RPS6KA2: variants seen among roughly 807,000 people sequenced by gnomAD.
RPS6KA2 encodes the protein ribosomal protein S6 kinase alpha-2.
In RPS6KA2, 42 loss-of-function variants were observed where a neutral mutation model predicts 91.8. The ratio of observed to expected loss-of-function variants is 0.46; its 90% CI spans 0.36 to 0.59. RPS6KA2 has a LOEUF of 0.59. Among genes scored for constraint, RPS6KA2 ranks in the 20% least tolerant of loss-of-function variants. The pLI is 0.00. For missense variants in RPS6KA2, 798 were observed against 978.5 expected (o/e 0.82, Z 2.46); for synonymous variants, 414 against 393.6 (o/e 1.05, Z -0.61).
At chr6:166,524,101 T>C (rs1782947303) in intron 3 of RPS6KA2, among the ~76,000 whole-genome samples, 1 of 152,192 alleles carries the variant, frequency 6.6e-6, no homozygotes, top group Admixed American at 6.5e-5. Context: ...ACCACACAGC[T>C]GCCAAAAACA....
Position 166,641,599 on chromosome 6 carries a change from T to C in RPS6KA2, c.124-102815A>G, listed in dbSNP as rs1787434150. Among the ~76,000 whole-genome samples, 3 of 150,886 alleles carry C rather than the reference T, an allele frequency of 2.0e-5. No individual in the cohort carries two copies. In the South Asian group the frequency reaches 6.3e-4, roughly 32 times the overall value. On this transcript the variant is annotated intron_variant, in intron 2 of 21. Coordinates refer to the RPS6KA2 transcript ENST00000503859. ...ATCAGCCAGTGTAGTGGTGCATGCCTGTAATCCCAGCTACACGGACTGAGG... is the reference window on the plus strand; with the variant it reads ...ATCAGCCAGTGTAGTGGTGCATGCCCGTAATCCCAGCTACACGGACTGAGG...
chr6:166,659,526 C>T (rs79192745), intron 2 of RPS6KA2, among the ~76,000 whole-genome samples: 19,132 of 152,230 alleles, frequency 0.13, 1,323 homozygotes, highest in South Asian at 0.24. Flanking sequence ...TCTTGTTTTC[C>T]AAACAGAGGC....
chr6:166,855,429 GGAAGAA>G (rs148701868), intron 2 of RPS6KA2, among the ~76,000 whole-genome samples: 1 of 119,450 alleles, frequency 8.4e-6, no homozygotes, highest in African/African-American at 4.1e-5. Flanking sequence ...AAGAAGAAGA[GGAAGAA>G]GAGGAAGAAG....
chr6:166,731,611 A>G (rs1790521677), intron 2 of RPS6KA2, among the ~76,000 whole-genome samples: 1 of 152,074 alleles, frequency 6.6e-6, no homozygotes, highest in South Asian at 2.1e-4. Flanking sequence ...AGCAGGACAG[A>G]GCACACAGCC....
chr6:166,829,730 C>A (rs1780135682), intron 2 of RPS6KA2, among the ~76,000 whole-genome samples: 1 of 151,998 alleles, frequency 6.6e-6, no homozygotes, highest in Admixed American at 6.5e-5. Flanking sequence ...AAGATGGAAG[C>A]AACCCAATGG....
intron 1 of RPS6KA2, among the ~76,000 whole-genome samples, chr6:166,605,319 C>CT (rs1562336660): frequency 6.6e-6 from 1 of 152,194 alleles, no homozygotes. Flanking sequence ...GACAATGACT[C>CT]TTATCTCCTT....
In RPS6KA2 at chr6:166,508,016, ACACT is replaced by A. The variant is rs533332715; in HGVS notation, c.459+183_459+186del. Among the ~76,000 whole-genome samples the A allele has an allele frequency of 1.0e-4, 15 of 143,380 alleles. No individual in the cohort carries two copies. The East Asian group carries it at 3.0e-3, about 29-fold the overall frequency. The allele number at this position is 143,380 out of a possible 152,430, so 94.1% of individuals were successfully genotyped here. A position where few individuals can be genotyped will look rare whatever the true frequency, so the allele number is the denominator to read the frequency against. Reference sequence around the variant, plus strand: ...CACCACACATCATGCACACTTGCACACACTCACACATGTACACCTCTCCCACACA... The same window carrying A: ...CACCACACATCATGCACACTTGCACACACACATGTACACCTCTCCCACACA... On this transcript the variant is annotated intron_variant, in intron 5 of 20. Coordinates refer to ENST00000265678, the MANE Select transcript of RPS6KA2 (RefSeq NM_021135.6). The surrounding 1 kb of genome is among the most constrained non-coding windows in gnomAD (Gnocchi z 4.3).
intron 1 of RPS6KA2, among the ~76,000 whole-genome samples, chr6:166,562,308 T>C (rs1784369038): frequency 6.6e-6 from 1 of 152,216 alleles, no homozygotes; most frequent in African/African-American, 2.4e-5. Context: ...AATGCAGAGA[T>C]GGCATTAACC....
At chr6:166,813,761 T>C (rs1779696351) in intron 2 of RPS6KA2, among the ~76,000 whole-genome samples, 2 of 152,234 alleles carry the variant, frequency 1.3e-5, no homozygotes, top group South Asian at 4.1e-4. Context: ...AGTCATGTCA[T>C]TGAGTTTTCA....
rs1779732746 is a variant in RPS6KA2, at chr6:166,448,011, T to C, written c.1332+713A>G. 6.6e-6 allele frequency among the ~76,000 whole-genome samples: 1 copy of C among 152,204 alleles called. No homozygotes were observed. Among genetic ancestry groups the C allele is most frequent in the African/African-American group, 2.4e-5 (1 of 41,438 alleles). On this transcript the variant is annotated intron_variant, in intron 14 of 20. Coordinates refer to ENST00000265678, the MANE Select transcript of RPS6KA2 (RefSeq NM_021135.6). The surrounding 1 kb of genome is among the most constrained non-coding windows in gnomAD (Gnocchi z 4.7). The stretch of plus-strand genomic sequence containing the variant: ...CAGGAAGCTTTACCTTTAATCCACA[T>C]TTTACTAACCAAAAATCTCTAGAAA...
intron 19 of RPS6KA2, among the ~76,000 whole-genome samples, chr6:166,416,679 TCCCA>T (rs146411415): frequency 0.54 from 79,411 of 146,800 alleles, 23,853 homozygotes; most frequent in South Asian, 0.82. Flanking sequence ...CCATCCCTGC[TCCCA>T]CCATTACCTC....
chr6:166,776,362 C>T (rs924259946), intron 2 of RPS6KA2, among the ~76,000 whole-genome samples: 1 of 152,212 alleles, frequency 6.6e-6, no homozygotes, highest in East Asian at 1.9e-4. Context: ...TGAGACCGTC[C>T]TGGGGGCATT....
At position 166,745,156 on chromosome 6, in the gene RPS6KA2, T is replaced by C. The variant is rs866511284; in HGVS notation, c.123+113044A>G. On this transcript the variant is annotated intron_variant, in intron 2 of 21. Coordinates refer to the RPS6KA2 transcript ENST00000503859. ...TCTGTGTCCTAATCGGCCTTTTTTT[T>C]TTTTTTTTTTTTGAGAGAGAGTTTT... 4.7e-3 allele frequency among the ~76,000 whole-genome samples: 700 copies of C among 149,502 alleles called. 5 individuals are homozygous for C. The highest frequency in any genetic ancestry group is 0.016 in the African/African-American group (634 of 40,460).
intron 2 of RPS6KA2, among the ~76,000 whole-genome samples, chr6:166,772,748 A>T (rs890281337): frequency 1.3e-5 from 2 of 152,176 alleles, no homozygotes; most frequent in Non-Finnish European, 2.9e-5. Context: ...CACACCTGAG[A>T]CTGTGCATCC....
intron 2 of RPS6KA2, among the ~76,000 whole-genome samples, chr6:166,739,668 C>T (rs1790758061): frequency 6.6e-6 from 1 of 152,250 alleles, no homozygotes; most frequent in South Asian, 2.1e-4. Flanking sequence ...AGACCAATCA[C>T]ACTCTGCAAA....
intron 2 of RPS6KA2, among the ~76,000 whole-genome samples, chr6:166,658,303 C>G (rs565793935): frequency 6.6e-6 from 1 of 152,310 alleles, no homozygotes; most frequent in East Asian, 1.9e-4. Flanking sequence ...CTGAACGCTG[C>G]ATGTGATGCC....
intron 2 of RPS6KA2, among the ~76,000 whole-genome samples, chr6:166,647,954 AC>A (rs1342671478): frequency 6.9e-6 from 1 of 145,494 alleles, no homozygotes; most frequent in Non-Finnish European, 1.5e-5. Context: ...ACACACATGC[AC>A]ATGCTTACAT....
intron 1 of RPS6KA2, among the ~76,000 whole-genome samples, chr6:166,582,889 CTT>C (rs1326677972): frequency 6.6e-6 from 1 of 152,152 alleles, no homozygotes; most frequent in Non-Finnish European, 1.5e-5. Context: ...GGTTTTAAAA[CTT>C]AAATATTTTT....
Position 166,530,669 on chromosome 6 carries a change from G to A in RPS6KA2, c.298+563C>T, listed in dbSNP as rs554824381. Among the ~76,000 whole-genome samples the A allele has an allele frequency of 5.4e-4, 82 of 152,328 alleles. No individual in the cohort carries two copies. The South Asian group carries it at 0.017, about 31-fold the overall frequency. Reference sequence around the variant, plus strand: ...TCAGAACAGATACGGTAGGTGCCCAGCTAGTGACGGGCTTAAAGACTGTGA... The same window carrying A: ...TCAGAACAGATACGGTAGGTGCCCAACTAGTGACGGGCTTAAAGACTGTGA... On this transcript the variant is annotated intron_variant, in intron 3 of 20. Coordinates refer to ENST00000265678, the MANE Select transcript of RPS6KA2 (RefSeq NM_021135.6).
Sources: gnomAD v4.1 joint callset for allele counts (sites outside exome capture counted in the v4.1 genomes callset) on GRCh38, gnomAD v4.1.1 for gene constraint, Gnocchi (gnomAD v3.1) non-coding constraint, MANE v1.5 for transcripts, NCBI Gene and HGNC (gene_info 2026-07-23, HGNC 2026-07-21) for gene names.